LRRTM4: variants seen among roughly 807,000 people sequenced by gnomAD.
LRRTM4 encodes the protein leucine rich repeat transmembrane neuronal 4, also known as leucine-rich repeat transmembrane neuronal protein 4.
A neutral mutation model predicts 47.6 loss-of-function variants in LRRTM4; 25 were observed. That is an observed-to-expected ratio of 0.53 (90% CI 0.38 to 0.73). The LOEUF is 0.73. LRRTM4 is among the 30% of genes least tolerant of loss of function. The probability of loss-of-function intolerance (pLI) is 0.00; values close to 1 mark genes in which losing one functional copy is unlikely to be tolerated. For synonymous variants in LRRTM4, 311 were observed against 269.5 expected (o/e 1.15, Z -1.51); for missense variants, 638 against 713.4 (o/e 0.89, Z 1.20).
At chr2:76,888,345 C>A (rs543879404) in intron 3 of LRRTM4, among the ~76,000 whole-genome samples, 44 of 151,232 alleles carry the variant, frequency 2.9e-4, no homozygotes, top group African/African-American at 1.0e-3. Context: ...TGACATGGAA[C>A]AATTGTACGT....
chr2:77,434,236 C>T (rs575349432), intron 3 of LRRTM4, among the ~76,000 whole-genome samples: 1 of 142,924 alleles, frequency 7.0e-6, no homozygotes, highest in African/African-American at 2.6e-5. Flanking sequence ...TTATCAGATC[C>T]CAGATTGGGA....
At chr2:77,510,468 A>G (rs1386791302) in intron 3 of LRRTM4, among the ~76,000 whole-genome samples, 1 of 152,126 alleles carries the variant, frequency 6.6e-6, no homozygotes, top group Non-Finnish European at 1.5e-5. Context: ...GAAGGCAACT[A>G]AACAACAATT....
intron 3 of LRRTM4, among the ~76,000 whole-genome samples, chr2:77,320,056 A>C (rs2104222888): frequency 6.6e-6 from 1 of 152,270 alleles, no homozygotes; most frequent in South Asian, 2.1e-4. Flanking sequence ...TATTAATTTC[A>C]GGCTTCCCGA....
At chr2:76,874,634 T>C (rs531989847) in intron 3 of LRRTM4, among the ~76,000 whole-genome samples, 1 of 151,884 alleles carries the variant, frequency 6.6e-6, no homozygotes, top group African/African-American at 2.4e-5. Flanking sequence ...GCATTGATCA[T>C]TGATGTTATT....
intron 3 of LRRTM4, among the ~76,000 whole-genome samples, chr2:77,500,778 G>C (rs529592225): frequency 4.6e-5 from 7 of 151,410 alleles, no homozygotes; most frequent in African/African-American, 1.7e-4. Flanking sequence ...TAATTCTAAA[G>C]TTCATCTCAA....
intron 3 of LRRTM4, among the ~76,000 whole-genome samples, chr2:77,122,295 A>G (rs1312530432): frequency 6.6e-6 from 1 of 151,628 alleles, no homozygotes; most frequent in Non-Finnish European, 1.5e-5. Flanking sequence ...ATATTTGTAT[A>G]GCATAAAATT....
intron 3 of LRRTM4, among the ~76,000 whole-genome samples, chr2:77,201,790 T>C (rs1033747469): frequency 3.3e-5 from 5 of 152,130 alleles, no homozygotes; most frequent in African/African-American, 1.2e-4. Flanking sequence ...TGAAATAGAT[T>C]ATAAATAGCC....
At chr2:76,934,308 A>C (rs1674868863) in intron 3 of LRRTM4, among the ~76,000 whole-genome samples, 1 of 152,198 alleles carries the variant, frequency 6.6e-6, no homozygotes, top group African/African-American at 2.4e-5. Context: ...GCAATTGTTT[A>C]GTGACATGGA....
intron 3 of LRRTM4, among the ~76,000 whole-genome samples, chr2:77,073,624 T>G (rs1028845435): frequency 6.6e-6 from 1 of 152,016 alleles, no homozygotes; most frequent in Non-Finnish European, 1.5e-5. Flanking sequence ...GATTTCTGAA[T>G]TTTCATTTTT....
intron 3 of LRRTM4, among the ~76,000 whole-genome samples, chr2:77,370,018 C>T (rs1021947162): frequency 6.6e-6 from 1 of 151,802 alleles, no homozygotes; most frequent in African/African-American, 2.4e-5. Context: ...TAAACATGCA[C>T]AATATGATTT....
At chr2:77,236,535 T>C (rs1675107459) in intron 3 of LRRTM4, among the ~76,000 whole-genome samples, 1 of 152,046 alleles carries the variant, frequency 6.6e-6, no homozygotes, top group African/African-American at 2.4e-5. Context: ...GGCTGACTGA[T>C]CTGACTACCA....
chr2:77,352,815 T>C (rs777600696), intron 3 of LRRTM4, among the ~76,000 whole-genome samples: 1 of 151,866 alleles, frequency 6.6e-6, no homozygotes, highest in Non-Finnish European at 1.5e-5. Flanking sequence ...AGAAGACTAA[T>C]AGAGAAACAA....
chr2:77,084,582 G>A (rs144720331), intron 3 of LRRTM4, among the ~76,000 whole-genome samples: 5 of 152,268 alleles, frequency 3.3e-5, no homozygotes, highest in Admixed American at 2.0e-4. Flanking sequence ...TACATCCCCT[G>A]CTGTACATCT....
At chr2:77,236,453 T>G (rs1260085270) in intron 3 of LRRTM4, among the ~76,000 whole-genome samples, 1 of 151,924 alleles carries the variant, frequency 6.6e-6, no homozygotes, top group African/African-American at 2.4e-5. Context: ...GAATCATATT[T>G]TTTTTTTGCC....
At chr2:77,174,388 A>G (rs980083627) in intron 3 of LRRTM4, among the ~76,000 whole-genome samples, 1 of 152,166 alleles carries the variant, frequency 6.6e-6, no homozygotes, top group Non-Finnish European at 1.5e-5. Flanking sequence ...TGGCTCTGCC[A>G]TTCTGTCATA....
intron 3 of LRRTM4, among the ~76,000 whole-genome samples, chr2:77,296,521 T>A (rs902719489): frequency 6.6e-6 from 1 of 152,228 alleles, no homozygotes; most frequent in Non-Finnish European, 1.5e-5. Flanking sequence ...TTTAAATTTA[T>A]GAATTAAATT....
intron 3 of LRRTM4, among the ~76,000 whole-genome samples, chr2:77,405,517 C>T (rs191102289): frequency 6.6e-6 from 1 of 152,052 alleles, no homozygotes; most frequent in Non-Finnish European, 1.5e-5. Context: ...TAAGCTGTTC[C>T]TCTTCCCCAA....
At chr2:77,354,095 T>A (rs958384684) in intron 3 of LRRTM4, among the ~76,000 whole-genome samples, 1 of 152,184 alleles carries the variant, frequency 6.6e-6, no homozygotes, top group Non-Finnish European at 1.5e-5. Context: ...TGTCAGCTTC[T>A]GGGTCACTGC....
chr2:77,455,582 A>G (rs1676500475), intron 3 of LRRTM4, among the ~76,000 whole-genome samples: 1 of 151,048 alleles, frequency 6.6e-6, no homozygotes, highest in Non-Finnish European at 1.5e-5. Context: ...CTTTTTTCCT[A>G]TTCTCAAACC....
Sources: gnomAD v4.1 joint callset for allele counts (sites outside exome capture counted in the v4.1 genomes callset) on GRCh38, gnomAD v4.1.1 for gene constraint, MANE v1.5 for transcripts, NCBI Gene and HGNC (gene_info 2026-07-23, HGNC 2026-07-21) for gene names.